PTTG1IP: variants seen among roughly 807,000 people sequenced by gnomAD.
PTTG1IP encodes the protein PTTG1 interacting protein.
PTTG1IP carries 16 observed loss-of-function variants against 24.4 expected under a neutral mutation model. The observed-to-expected ratio is 0.66, with a 90% CI of 0.44 to 1.00. The LOEUF is 1.00. Ranked by LOEUF, PTTG1IP falls within the 50% of genes least tolerant of loss-of-function variation. PTTG1IP has a pLI of 0.00. For missense variants in PTTG1IP, 241 were observed against 245.8 expected (o/e 0.98, Z 0.13); for synonymous variants, 89 against 96.8 (o/e 0.92, Z 0.47).
chr21:44,869,611 A>T (rs1157300641), intron 1 of PTTG1IP, among the ~76,000 whole-genome samples: 1 of 152,238 alleles, frequency 6.6e-6, no homozygotes, highest in African/African-American at 2.4e-5. Flanking sequence ...ATCAATTTTT[A>T]AAAATAAATA....
At chr21:44,856,141 G>A in intron 4 of PTTG1IP, 52 bp downstream of exon 4, 3 of 1,613,432 alleles carry the variant, frequency 1.9e-6, no homozygotes, top group Non-Finnish European at 2.5e-6. Context: ...TGGCCTTGCA[G>A]ATCTGAATCC....
chr21:44,853,390 C>T (rs561580322), intron 5 of PTTG1IP, among the ~76,000 whole-genome samples: 27 of 152,130 alleles, frequency 1.8e-4, no homozygotes, highest in African/African-American at 6.5e-4. Context: ...CACCTGTAGT[C>T]CCAGCTACTC....
intron 4 of PTTG1IP, among the ~76,000 whole-genome samples, chr21:44,855,980 G>C (rs574898601): frequency 3.3e-5 from 5 of 152,198 alleles, no homozygotes; most frequent in African/African-American, 1.2e-4. Flanking sequence ...ACCGGGCGAG[G>C]AAGCCTATAG....
intron 1 of PTTG1IP, among the ~76,000 whole-genome samples, chr21:44,872,656 C>T (rs1042136222): frequency 3.9e-5 from 6 of 152,160 alleles, no homozygotes; most frequent in African/African-American, 9.7e-5. Flanking sequence ...AGGAAGCCAC[C>T]CTCTATAAAC....
Position 44,851,561 on chromosome 21 carries a change from G to A in PTTG1IP, c.*20C>T, listed in dbSNP as rs2083411794. The A allele has an allele frequency of 6.2e-7, 1 of 1,611,958 alleles. No homozygotes were observed. The highest frequency in any genetic ancestry group is 1.3e-5 in the African/African-American group (1 of 75,034). ...GCGTGCACCTCACAGGAAGCGTCGG[G>A]ACTGATGTGCTGGAGCGCTTTAGTT... On this transcript the variant is annotated 3_prime_UTR_variant, in exon 6 of 6. Coordinates refer to ENST00000330938, the MANE Select transcript of PTTG1IP (RefSeq NM_004339.4).
intron 5 of PTTG1IP, among the ~76,000 whole-genome samples, chr21:44,854,573 G>A (rs80029374): frequency 0.07 from 10,639 of 152,300 alleles, 1,252 homozygotes; most frequent in African/African-American, 0.24. Context: ...CTGGGTGGTG[G>A]TGTTCAGTGT....
intron 1 of PTTG1IP, among the ~76,000 whole-genome samples, chr21:44,869,597 C>G (rs1415159323): frequency 6.6e-6 from 1 of 152,162 alleles, no homozygotes; most frequent in Non-Finnish European, 1.5e-5. Flanking sequence ...CTGTGCCCAG[C>G]TGAATCAATT....
intron 1 of PTTG1IP, among the ~76,000 whole-genome samples, chr21:44,866,621 TCCC>T (rs1397522084): frequency 1.1e-4 from 9 of 85,632 alleles, no homozygotes; most frequent in South Asian, 4.1e-4. Flanking sequence ...GACTGCGTAC[TCCC>T]CCAATCCCGT....
In PTTG1IP at chr21:44,851,228, G is replaced by T; in HGVS notation, c.*353C>A. 1 of 1,087,300 alleles carries T rather than the reference G, an allele frequency of 9.2e-7. No individual in the cohort carries two copies. The highest frequency in any genetic ancestry group is 1.3e-6 in the Non-Finnish European group (1 of 785,894). The allele number at this position is 1,087,300 out of a possible 1,614,324, so 67.4% of individuals were successfully genotyped here. The stretch of plus-strand genomic sequence containing the variant: ...AGCTTGTTAGTGGACAGAGAGAAAC[G>T]CAGGGTTCTGCCCTGGGAGAATGAC... On this transcript the variant is annotated 3_prime_UTR_variant, in exon 6 of 6. Coordinates refer to ENST00000330938, the MANE Select transcript of PTTG1IP (RefSeq NM_004339.4).
chr21:44,867,273 G>A (rs1018948048), intron 1 of PTTG1IP, among the ~76,000 whole-genome samples: 1 of 152,210 alleles, frequency 6.6e-6, no homozygotes, highest in Non-Finnish European at 1.5e-5. Flanking sequence ...AAAAAGAAAC[G>A]AACTGCTCTA....
intron 1 of PTTG1IP, 26 bp downstream of exon 1, chr21:44,873,459 CGCCCCGCCCCCTTCGCG>C (rs1299222435): frequency 7.5e-7 from 1 of 1,325,848 alleles, no homozygotes; most frequent in Non-Finnish European, 9.6e-7. Flanking sequence ...ACCCACCAGC[CGCCCCGCCCCCTTCGCG>C]GCCCCGCCCG....
intron 1 of PTTG1IP, among the ~76,000 whole-genome samples, chr21:44,870,525 CAAAA>C (rs60436978): frequency 2.6e-5 from 2 of 76,968 alleles, no homozygotes; most frequent in Non-Finnish European, 4.7e-5. Flanking sequence ...GACTCCATCT[CAAAA>C]AAAAAAAAAA....
In PTTG1IP at chr21:44,865,400, C is replaced by T. The variant is rs766373886; in HGVS notation, c.163G>A (p.Val55Ile). ...CTAGTCCACGTGCTACTTACGGAGA[C>T]GTTCTTCAGGCACTCTTCACAGGTT... ...NKTCEECLKN[V>I]SCLWCNTNKA... Residue 55 changes from valine to isoleucine, a missense_variant, in exon 2 of 6, where the codon GTC becomes ATC. By Grantham distance (29) the Val-to-Ile change is conservative. Coordinates refer to ENST00000330938, the MANE Select transcript of PTTG1IP (RefSeq NM_004339.4). 8.7e-6 allele frequency: 14 copies of T among 1,614,060 alleles called. No homozygotes were observed. The highest frequency in any genetic ancestry group is 6.7e-5 in the East Asian group (3 of 44,902).
rs556782506 is a variant in PTTG1IP at position 44,851,262 on chromosome 21, C to T, written c.*319G>A. 6 of 1,320,478 alleles carry T rather than the reference C, an allele frequency of 4.5e-6. No individual in the cohort carries two copies. Among genetic ancestry groups the T allele is most frequent in the Admixed American group, 5.2e-5 (2 of 38,234 alleles). 81.8% of individuals were successfully genotyped at this position (1,320,478 alleles called of 1,614,324 possible). ...TGCCCTGGGAGAATGACAGCCACAG[C>T]GCTGGGTGCCGTCAGGCGGCTTCGT... On this transcript the variant is annotated 3_prime_UTR_variant, in exon 6 of 6. Coordinates refer to ENST00000330938, the MANE Select transcript of PTTG1IP (RefSeq NM_004339.4).
intron 1 of PTTG1IP, among the ~76,000 whole-genome samples, chr21:44,868,528 C>T (rs887187562): frequency 1.3e-5 from 2 of 152,064 alleles, no homozygotes; most frequent in African/African-American, 2.4e-5. Context: ...GTGCAGTGCC[C>T]GAGAGTGGCA....
At chr21:44,866,331 A>G (rs1255721055) in intron 1 of PTTG1IP, among the ~76,000 whole-genome samples, 17 of 84,798 alleles carry the variant, frequency 2.0e-4, no homozygotes, top group East Asian at 4.0e-4. Context: ...CCCCAATCCC[A>G]TAACACACAC....
At position 44,855,237 on chromosome 21, in the gene PTTG1IP, T is replaced by C. The variant is rs1251116720; in HGVS notation, c.469A>G (p.Arg157Gly). ...QEERRAEMKT[R>G]HDEIRKKYGL... ...TATTTTTTTCTGATTTCATCATGTCTTGTCTTCATCTCTGCTCTCCTAAAA... is the reference window on the plus strand; with the variant it reads ...TATTTTTTTCTGATTTCATCATGTCCTGTCTTCATCTCTGCTCTCCTAAAA... Residue 157 changes from arginine (R) to glycine (G), a missense_variant, in exon 5 of 6, where the codon AGA (arginine) becomes GGA (glycine). Coordinates refer to ENST00000330938, the MANE Select transcript of PTTG1IP (RefSeq NM_004339.4). The C allele has an allele frequency of 6.2e-7, 1 of 1,612,660 alleles. No individual in the cohort carries two copies. The highest frequency in any genetic ancestry group is 1.1e-5 in the South Asian group (1 of 91,038).
Position 44,851,150 on chromosome 21 carries a change from G to A in PTTG1IP, c.*431C>T. ...GGTTTTATGGGGAATGATGAGGGCT[G>A]GTCAGTTCTCCTCATGACAAAAGTC... On this transcript the variant is annotated 3_prime_UTR_variant, in exon 6 of 6. Transcript: ENST00000330938. 1 of 577,790 alleles carries A rather than the reference G, an allele frequency of 1.7e-6. No homozygotes were observed. The highest frequency in any genetic ancestry group is 3.0e-6 in the Non-Finnish European group (1 of 334,832). 35.8% of individuals were successfully genotyped at this position (577,790 alleles called of 1,614,324 possible). A position where few individuals can be genotyped will look rare whatever the true frequency, so the allele number is the denominator to read the frequency against.
intron 5 of PTTG1IP, 111 bp from the exon 6 acceptor site, chr21:44,851,738 A>G (rs1601240424): frequency 7.4e-7 from 1 of 1,359,694 alleles, no homozygotes; most frequent in African/African-American, 1.5e-5. Flanking sequence ...CTATAGCAAC[A>G]ACGGGCATTG....
Sources: allele counts gnomAD v4.1 joint callset (sites outside exome capture counted in the v4.1 genomes callset), GRCh38; gene constraint gnomAD v4.1.1; transcripts MANE v1.5; gene names NCBI Gene and HGNC (gene_info 2026-07-23, HGNC 2026-07-21).